The following TRAPPC9 variants were observed in gnomAD, a reference collection of about 807,000 sequenced individuals.
The protein encoded by TRAPPC9 is trafficking protein particle complex subunit 9, also known as IKK2 binding protein.
In TRAPPC9, 83 loss-of-function variants were observed where a neutral mutation model predicts 124.0. That is an observed-to-expected ratio of 0.67 (90% CI 0.56 to 0.80). The LOEUF is 0.80. TRAPPC9 is among the 30% of genes least tolerant of loss of function. TRAPPC9 has a pLI of 0.00. For synonymous variants in TRAPPC9, 638 were observed against 617.5 expected, an observed-to-expected ratio of 1.03 and a Z score of -0.49; for missense variants, 1,302 against 1,508.3, an observed-to-expected ratio of 0.86 and a Z score of 2.27.
intron 19 of TRAPPC9, among the ~76,000 whole-genome samples, chr8:139,938,738 C>T (rs944815128): frequency 2.0e-5 from 3 of 151,458 alleles, no homozygotes; most frequent in Non-Finnish European, 4.4e-5. Flanking sequence ...CTCCGCTTCC[C>T]GGGTTCACGC....
chr8:140,283,868 T>C (rs750939917), intron 14 of TRAPPC9, 21 bp downstream of exon 14: 1 of 1,613,828 alleles, frequency 6.2e-7, no homozygotes, highest in South Asian at 1.1e-5. Flanking sequence ...CACTCTGCTC[T>C]GTGACCCTCG....
intron 5 of TRAPPC9, among the ~76,000 whole-genome samples, chr8:140,422,258 A>G (rs1023698870): frequency 2.0e-5 from 3 of 150,546 alleles, no homozygotes; most frequent in African/African-American, 7.5e-5. Flanking sequence ...CTTTAGGTGT[A>G]AAGTTTATAT....
In TRAPPC9 at chr8:140,193,581, C is replaced by T. The variant is rs2062549189; in HGVS notation, c.2556+27878G>A. Among the ~76,000 whole-genome samples, 4 of 145,616 alleles carry T rather than the reference C, an allele frequency of 2.7e-5. No individual in the cohort carries two copies. The Admixed American group carries it at 2.8e-4, about 10-fold the overall frequency. On this transcript the variant is annotated intron_variant, in intron 17 of 22. Coordinates refer to ENST00000438773, the MANE Select transcript of TRAPPC9 (RefSeq NM_001160372.4). ...CAGAAGGAAAGAAATGACACTCTCC[C>T]ACAAAGTTCCATAAGGGCAGAAGGG...
chr8:140,038,018 C>T (rs1841025265), intron 17 of TRAPPC9, among the ~76,000 whole-genome samples: 1 of 149,842 alleles, frequency 6.7e-6, no homozygotes, highest in Non-Finnish European at 1.5e-5. Flanking sequence ...CCAACTAGGA[C>T]ATTCCTAGTC....
intron 21 of TRAPPC9, among the ~76,000 whole-genome samples, chr8:139,883,866 C>T (rs1342864160): frequency 1.3e-5 from 2 of 152,304 alleles, no homozygotes; most frequent in East Asian, 1.9e-4. Context: ...GCCTCTGAGC[C>T]TTAGTCTCCC....
At chr8:139,786,711 T>A (rs1174989354) in intron 21 of TRAPPC9, among the ~76,000 whole-genome samples, 1 of 152,046 alleles carries the variant, frequency 6.6e-6, no homozygotes, top group Non-Finnish European at 1.5e-5. Flanking sequence ...ATGCATACAG[T>A]GGAATACTAC....
At chr8:139,864,382 T>C (rs1828383869) in intron 21 of TRAPPC9, among the ~76,000 whole-genome samples, 2 of 152,220 alleles carry the variant, frequency 1.3e-5, no homozygotes, top group Non-Finnish European at 2.9e-5. Flanking sequence ...AAATTTGTTT[T>C]TAATCTTAGA....
intron 9 of TRAPPC9, among the ~76,000 whole-genome samples, chr8:140,343,679 C>A (rs950223612): frequency 6.6e-6 from 1 of 152,202 alleles, no homozygotes; most frequent in African/African-American, 2.4e-5. Flanking sequence ...CTTGTCAAAG[C>A]CTGTGTCTCA....
At chr8:140,053,274 T>C (rs1017440840) in intron 17 of TRAPPC9, among the ~76,000 whole-genome samples, 2 of 152,246 alleles carry the variant, frequency 1.3e-5, no homozygotes, top group African/African-American at 4.8e-5. Flanking sequence ...AGACACCACC[T>C]GACCACTGTG....
intron 17 of TRAPPC9, among the ~76,000 whole-genome samples, chr8:140,125,184 C>A (rs1162729473): frequency 6.6e-6 from 1 of 152,228 alleles, no homozygotes; most frequent in Non-Finnish European, 1.5e-5. Flanking sequence ...GAGGCCCACC[C>A]AGAGCTCGGG....
chr8:140,234,380 C>T (rs1275248861), intron 16 of TRAPPC9, among the ~76,000 whole-genome samples: 2 of 152,194 alleles, frequency 1.3e-5, no homozygotes, highest in African/African-American at 2.4e-5. Context: ...TGGCTGGTGG[C>T]TGCCATGGTG....
At chr8:140,435,499 C>T (rs901544922) in intron 3 of TRAPPC9, among the ~76,000 whole-genome samples, 3 of 152,242 alleles carry the variant, frequency 2.0e-5, no homozygotes, top group South Asian at 2.1e-4. Flanking sequence ...ACTCTCACCA[C>T]ACTCAAGGTT....
At chr8:139,749,788 C>T (rs1034119495) in intron 21 of TRAPPC9, among the ~76,000 whole-genome samples, 6 of 152,170 alleles carry the variant, frequency 3.9e-5, no homozygotes, top group African/African-American at 7.2e-5. Flanking sequence ...GAGCGGGTGG[C>T]GGTTAGCTGC....
chr8:140,290,294 TCCTTTGCGTGCTGCTGAAAAGTTACACAG>T (rs2065611697), intron 12 of TRAPPC9, among the ~76,000 whole-genome samples: 1 of 152,124 alleles, frequency 6.6e-6, no homozygotes, highest in Non-Finnish European at 1.5e-5. Flanking sequence ...CGCAGCACCC[TCCTTTGCGTGCTGCTGAAAAGTTACACAG>T]CAGCACCACA....
intron 7 of TRAPPC9, among the ~76,000 whole-genome samples, chr8:140,372,751 G>T (rs1359274895): frequency 3.9e-5 from 6 of 152,176 alleles, no homozygotes; most frequent in Non-Finnish European, 8.8e-5. Context: ...AAAGACGGCG[G>T]TCTATGAACA....
chr8:140,346,907 A>C (rs2067364405), intron 9 of TRAPPC9, among the ~76,000 whole-genome samples: 1 of 152,224 alleles, frequency 6.6e-6, no homozygotes, highest in Non-Finnish European at 1.5e-5. Flanking sequence ...CACTCGGCTG[A>C]GTTGGAATGA....
In TRAPPC9 at chr8:139,891,907, A is replaced by G. The variant is rs555575716; in HGVS notation, c.2965-5938T>C. ...TACAGAGAAGGAAAGAGGCACAAAA[A>G]GGTCAAGAAACTGGCCAAGGCCACA... On this transcript the variant is annotated intron_variant, in intron 20 of 22. Coordinates refer to ENST00000438773, the MANE Select transcript of TRAPPC9 (RefSeq NM_001160372.4). Among the ~76,000 whole-genome samples the G allele has an allele frequency of 2.0e-5, 3 of 152,342 alleles. No homozygotes were observed. The East Asian group carries it at 5.8e-4, about 29-fold the overall frequency.
intron 21 of TRAPPC9, among the ~76,000 whole-genome samples, chr8:139,870,283 T>C (rs531634499): frequency 6.6e-6 from 1 of 152,328 alleles, no homozygotes; most frequent in East Asian, 1.9e-4. Context: ...GTTTGAATAT[T>C]AAAGCAAATG....
intron 9 of TRAPPC9, among the ~76,000 whole-genome samples, chr8:140,345,181 C>A (rs1214415841): frequency 2.0e-5 from 3 of 152,192 alleles, no homozygotes; most frequent in African/African-American, 4.8e-5. Flanking sequence ...GCAGAACATG[C>A]AGAAGTGGGA....
Sources: allele counts gnomAD v4.1 joint callset (sites outside exome capture counted in the v4.1 genomes callset), GRCh38; gene constraint gnomAD v4.1.1; transcripts MANE v1.5; gene names NCBI Gene and HGNC (gene_info 2026-07-23, HGNC 2026-07-21).